The following ITSN1 variants were observed in gnomAD, a reference collection of about 807,000 sequenced individuals.
ITSN1 encodes the protein intersectin 1, also known as intersectin-1.
ITSN1 carries 58 observed loss-of-function variants against 239.8 expected under a neutral mutation model. The ratio of observed to expected loss-of-function variants is 0.24; its 90% CI spans 0.20 to 0.30. ITSN1 has a LOEUF of 0.30. Among genes scored for constraint, ITSN1 ranks in the 10% least tolerant of loss-of-function variants. The pLI, the probability that ITSN1 is intolerant of heterozygous loss-of-function variation, is 1.00. For missense variants in ITSN1, 1,558 were observed against 2,103.3 expected (o/e 0.74, Z 5.07); for synonymous variants, 780 against 770.8 (o/e 1.01, Z -0.20).
chr21:33,735,016 G>C lies in ITSN1; in HGVS notation c.186-28G>C, dbSNP rs764553757. On this transcript the variant is annotated intron_variant, in intron 4 of 39. Transcript: ENST00000381318. ...GAAAGGTTCTTTTATGGTCACAGTT[G>C]TTCTCAGGCCATGCTGTTGGTTTGC... 4.4e-6 allele frequency: 7 copies of C among 1,588,374 alleles called. No homozygotes were observed. In the Admixed American group the frequency reaches 5.4e-5, roughly 12 times the overall value.
In ITSN1 at chr21:33,829,631, C is replaced by G. The variant is rs1448597836; in HGVS notation, c.3237C>G (p.Ala1079=). The G allele has an allele frequency of 6.2e-7, 1 of 1,612,120 alleles. No homozygotes were observed. The highest frequency in any genetic ancestry group is 1.1e-5 in the South Asian group (1 of 90,986). The change falls in exon 27 of 40, where the codon GCC becomes GCG. Residue 1079 remains alanine (A), a synonymous_variant. Transcript: ENST00000381318. ...TTTGATCTTGTTTTTCAGAAATTGC[C>G]CAGGTTATTGCCTCATACACCGCCA... ...TGSLGKKPEI[A]QVIASYTATG...
At chr21:33,702,109 T>TAAACA (rs748525886) in intron 1 of ITSN1, among the ~76,000 whole-genome samples, 124,419 of 142,692 alleles carry the variant, frequency 0.87, 53,112 homozygotes, top group Non-Finnish European at 0.91. Context: ...TTTTTTTTTT[T>TAAACA]TTTTTTTTTT....
At chr21:33,821,196 A>G (rs1219334454) in intron 24 of ITSN1, among the ~76,000 whole-genome samples, 1 of 152,232 alleles carries the variant, frequency 6.6e-6, no homozygotes, top group Admixed American at 6.5e-5. Flanking sequence ...ACATGTACTG[A>G]GGACTCAATA....
intron 10 of ITSN1, 38 bp downstream of exon 10, chr21:33,766,050 A>G: frequency 1.2e-6 from 2 of 1,608,668 alleles, no homozygotes; most frequent in Non-Finnish European, 1.7e-6. Context: ...TTGTATGCGG[A>G]GTATATGAAT....
chr21:33,728,422 G>T (rs185076722), intron 4 of ITSN1, among the ~76,000 whole-genome samples: 1 of 151,050 alleles, frequency 6.6e-6, no homozygotes, highest in African/African-American at 2.4e-5. Context: ...TAGTAGCAGG[G>T]TTTCACCATG....
At chr21:33,854,131 G>T (rs542884392) in intron 29 of ITSN1, among the ~76,000 whole-genome samples, 134 of 152,304 alleles carry the variant, frequency 8.8e-4, no homozygotes, top group Middle Eastern at 3.4e-3. Context: ...TGCCCTAAAG[G>T]TGTGCATTGT....
At chr21:33,861,073 G>A (rs747072705) in intron 31 of ITSN1, among the ~76,000 whole-genome samples, 8 of 152,272 alleles carry the variant, frequency 5.3e-5, no homozygotes, top group Middle Eastern at 3.4e-3. Context: ...ATGTTGAACC[G>A]TAGCCTTCTG....
At position 33,818,167 on chromosome 21, in the gene ITSN1, G is replaced by A. The variant is rs923775592; in HGVS notation, c.2728-100G>A. Reference sequence around the variant, plus strand: ...GGGCCCTTTGTGGCTGTGTGTGCTTGTCTGGCCTGTGCTTGTTGGAGAGGT... The same window carrying A: ...GGGCCCTTTGTGGCTGTGTGTGCTTATCTGGCCTGTGCTTGTTGGAGAGGT... On this transcript the variant is annotated intron_variant, in intron 22 of 39. Coordinates refer to ENST00000381318, the MANE Select transcript of ITSN1 (RefSeq NM_003024.3). 42 of 929,574 alleles carry A rather than the reference G, an allele frequency of 4.5e-5. No homozygotes were observed. In the East Asian group the frequency reaches 1.1e-3, roughly 24 times the overall value. 57.6% of individuals were successfully genotyped at this position (929,574 alleles called of 1,614,324 possible).
intron 1 of ITSN1, among the ~76,000 whole-genome samples, chr21:33,688,854 T>A (rs747221428): frequency 3.2e-4 from 49 of 151,804 alleles, no homozygotes; most frequent in Non-Finnish European, 6.6e-4. Context: ...TCACCCAGGC[T>A]GGAGTGCAGT....
chr21:33,741,656 G>A (rs905358465), intron 5 of ITSN1, among the ~76,000 whole-genome samples: 1 of 152,000 alleles, frequency 6.6e-6, no homozygotes, highest in African/African-American at 2.4e-5. Flanking sequence ...ACTTTGGGGG[G>A]CCCAGGTGGG....
At chr21:33,869,656 C>T (rs1412380343) in intron 33 of ITSN1, among the ~76,000 whole-genome samples, 1 of 152,210 alleles carries the variant, frequency 6.6e-6, no homozygotes, top group Non-Finnish European at 1.5e-5. Flanking sequence ...TTTAGATGTC[C>T]TCTGAGCCTA....
chr21:33,758,074 G>T (rs1291926052), intron 8 of ITSN1, among the ~76,000 whole-genome samples: 1 of 152,042 alleles, frequency 6.6e-6, no homozygotes, highest in Non-Finnish European at 1.5e-5. Context: ...TTCTTTAGAG[G>T]TGGGATCTTT....
At chr21:33,885,776 G>C (rs995596875) in intron 38 of ITSN1, among the ~76,000 whole-genome samples, 1 of 152,170 alleles carries the variant, frequency 6.6e-6, no homozygotes, top group Non-Finnish European at 1.5e-5. Context: ...TCAGGCCAAA[G>C]TAACGAGACA....
In ITSN1 at chr21:33,804,727, G is replaced by A. The variant is rs983828081; in HGVS notation, c.2319+2283G>A. Among the ~76,000 whole-genome samples the A allele has an allele frequency of 7.2e-5, 11 of 152,294 alleles. No homozygotes were observed. The South Asian group carries it at 2.3e-3, about 32-fold the overall frequency. ...CTATGCTCACTGCTGTTTTGTTGAAGTTTATCTTGAGAACACAGGCTGAGT... is the reference window on the plus strand; with the variant it reads ...CTATGCTCACTGCTGTTTTGTTGAAATTTATCTTGAGAACACAGGCTGAGT... On this transcript the variant is annotated intron_variant, in intron 20 of 39. Coordinates refer to ENST00000381318, the MANE Select transcript of ITSN1 (RefSeq NM_003024.3).
chr21:33,717,407 G>T (rs11702148), intron 1 of ITSN1, among the ~76,000 whole-genome samples: 47,855 of 151,490 alleles, frequency 0.32, 7,923 homozygotes, highest in East Asian at 0.57. Context: ...ATGTTGCCCA[G>T]GCTGATCTTG....
intron 5 of ITSN1, among the ~76,000 whole-genome samples, chr21:33,746,970 A>G (rs1344236040): frequency 6.6e-6 from 1 of 152,216 alleles, no homozygotes; most frequent in African/African-American, 2.4e-5. Context: ...TCTGGCCAAC[A>G]TGACGAAACC....
At chr21:33,869,977 T>C (rs1396466369) in intron 33 of ITSN1, among the ~76,000 whole-genome samples, 5 of 152,196 alleles carry the variant, frequency 3.3e-5, no homozygotes, top group African/African-American at 1.2e-4. Flanking sequence ...ACTGCAGAAT[T>C]TTTTCCAGCC....
chr21:33,659,536 C>T (rs2089376146), intron 1 of ITSN1, among the ~76,000 whole-genome samples: 1 of 151,918 alleles, frequency 6.6e-6, no homozygotes. Context: ...TGGTAGGACA[C>T]CCAGTTAGTG....
Position 33,765,980 on chromosome 21 carries a change from C to T in ITSN1, c.894C>T (p.Val298=). ...TGTCTGGCCAACCACTGCCACCTGT[C>T]CTGCCTCCAGAATACATTCCACCTT... is the stretch of plus-strand genomic sequence containing the variant. ...VAMSGQPLPP[V]LPPEYIPPSF... is the part of the protein sequence containing the mutation. The change falls in exon 10 of 40, where the codon GTC becomes GTT. Residue 298 remains valine, a synonymous_variant. Transcript: ENST00000381318. 1 of 1,614,176 alleles carries T rather than the reference C, an allele frequency of 6.2e-7. No homozygotes were observed. Among genetic ancestry groups the T allele is most frequent in the Non-Finnish European group, 8.5e-7 (1 of 1,180,016 alleles).
Sources: gnomAD v4.1 joint callset for allele counts (sites outside exome capture counted in the v4.1 genomes callset) on GRCh38, gnomAD v4.1.1 for gene constraint, MANE v1.5 for transcripts, NCBI Gene and HGNC (gene_info 2026-07-23, HGNC 2026-07-21) for gene names.